Variants in DMD observed in about 807,000 individuals in gnomAD.
DMD encodes the protein mutant dystrophin.
In DMD, 63 loss-of-function variants were observed where a neutral mutation model predicts 330.1. That is an observed-to-expected ratio of 0.19 (90% CI 0.16 to 0.24). DMD has a LOEUF of 0.24. DMD is among the 10% of genes least tolerant of loss of function. DMD has a pLI of 1.00. For synonymous variants in DMD, 1,223 were observed against 959.8 expected, an observed-to-expected ratio of 1.27 and a Z score of -5.07; for missense variants, 3,344 against 2,684.1, an observed-to-expected ratio of 1.25 and a Z score of -5.43.
At chrX:31,945,790 A>G (rs2095078265) in intron 45 of DMD, among the ~76,000 whole-genome samples, 3 of 112,042 alleles carry the variant, frequency 2.7e-5, no homozygotes, top group African/African-American at 9.7e-5. Context: ...ATCAAATTTT[A>G]CTTTCCATGA....
At chrX:33,099,914 A>C (rs1246108093) in intron 1 of DMD, among the ~76,000 whole-genome samples, 1 of 112,168 alleles carries the variant, frequency 8.9e-6, no homozygotes, top group East Asian at 2.8e-4. Flanking sequence ...GAACAAAAAA[A>C]ACCCAAACAG....
intron 9 of DMD, among the ~76,000 whole-genome samples, chrX:32,680,762 T>G (rs1214755962): frequency 3.6e-5 from 4 of 110,099 alleles, no homozygotes; most frequent in African/African-American, 6.7e-5. Context: ...CCATCAACTC[T>G]CCTTCCACCC....
chrX:33,202,335 C>T (rs1393536475), intron 1 of DMD, among the ~76,000 whole-genome samples: 1 of 111,585 alleles, frequency 9.0e-6, no homozygotes, highest in Non-Finnish European at 1.9e-5. Context: ...CTACCACGTA[C>T]CAGCTGAGCT....
chrX:32,836,024 G>A (rs954417543), intron 4 of DMD, among the ~76,000 whole-genome samples: 3 of 107,128 alleles, frequency 2.8e-5, no homozygotes, highest in Non-Finnish European at 5.7e-5. Flanking sequence ...CTTATCACTG[G>A]TATTCAAAAA....
chrX:31,975,556 A>G (rs1458371), intron 44 of DMD, among the ~76,000 whole-genome samples: 48,181 of 110,380 alleles, frequency 0.44, 7,772 homozygotes, highest in African/African-American at 0.55. Flanking sequence ...TTTTCTTATT[A>G]AGTGATCCTG....
rs188625338 is a variant in DMD at position 32,903,750 on chromosome X, T to C, written c.94-53930A>G. On this transcript the variant is annotated intron_variant, in intron 2 of 78. Coordinates refer to ENST00000357033, the MANE Select transcript of DMD (RefSeq NM_004006.3). ...CTAAACTGCACTGGATTTCTTATGA[T>C]ATTATCATTATAATATAGGAAAGAA... Among the ~76,000 whole-genome samples, 573 of 111,958 alleles carry C rather than the reference T, an allele frequency of 5.1e-3. 4 individuals carry two copies. Among genetic ancestry groups the C allele is most frequent in the Non-Finnish European group, 6.4e-3 (340 of 53,211 alleles).
At chrX:32,412,816 C>G (rs887356992) in intron 29 of DMD, among the ~76,000 whole-genome samples, 1 of 110,992 alleles carries the variant, frequency 9.0e-6, no homozygotes, top group African/African-American at 3.3e-5. Context: ...CAGAGCATGA[C>G]TGAGGTTTTA....
intron 44 of DMD, among the ~76,000 whole-genome samples, chrX:32,010,162 G>A (rs1320726032): frequency 8.9e-6 from 1 of 111,824 alleles, no homozygotes; most frequent in African/African-American, 3.2e-5. Context: ...AAATTAACAC[G>A]TGAATGAATG....
At chrX:32,035,586 A>G in intron 44 of DMD, 1 of 305,574 alleles carries the variant, frequency 3.3e-6, no homozygotes, top group Admixed American at 3.7e-5. Flanking sequence ...CAGGCTTCTA[A>G]AAAACAGAAA....
chrX:31,495,740 T>C (rs946241370), intron 57 of DMD, among the ~76,000 whole-genome samples: 4 of 111,612 alleles, frequency 3.6e-5, no homozygotes, highest in African/African-American at 1.3e-4. Context: ...ATGGTAGAGA[T>C]AGGCAATTAT....
chrX:32,454,595 T>G, intron 26 of DMD, 67 bp downstream of exon 26: 2 of 924,269 alleles, frequency 2.2e-6, no homozygotes, highest in Non-Finnish European at 3.0e-6. Context: ...CTTCAAGCAT[T>G]GTTGCATTTC....
At chrX:31,596,372 T>A (rs1235088648) in intron 55 of DMD, among the ~76,000 whole-genome samples, 2 of 112,090 alleles carry the variant, frequency 1.8e-5, no homozygotes, top group African/African-American at 6.5e-5. Context: ...TAAGGAAAGT[T>A]CATGTTATTG....
rs5927048 is a variant in DMD, at chrX:31,858,625, C to T, written c.7098+16563G>A. 7.0e-3 allele frequency among the ~76,000 whole-genome samples: 767 copies of T among 109,316 alleles called. 5 individuals are homozygous for T. The highest frequency in any genetic ancestry group is 0.01 in the Non-Finnish European group (543 of 52,532). 94.9% of individuals were successfully genotyped at this position (109,316 alleles called of 115,157 possible). A position where few individuals can be genotyped will look rare whatever the true frequency, so the allele number is the denominator to read the frequency against. ...TAAAATAGATAATTCTTAAAGTGTTCTTTTTAGTGTTCAATAATTTATATA... is the reference window on the plus strand; with the variant it reads ...TAAAATAGATAATTCTTAAAGTGTTTTTTTTAGTGTTCAATAATTTATATA... On this transcript the variant is annotated intron_variant, in intron 48 of 78. Transcript: ENST00000357033.
At chrX:32,726,069 T>C (rs2066847332) in intron 7 of DMD, among the ~76,000 whole-genome samples, 1 of 111,356 alleles carries the variant, frequency 9.0e-6, no homozygotes, top group African/African-American at 3.3e-5. Context: ...AACATTCTCA[T>C]ATACTTTTAT....
intron 7 of DMD, among the ~76,000 whole-genome samples, chrX:32,791,259 G>A (rs939900232): frequency 8.9e-6 from 1 of 111,812 alleles, no homozygotes; most frequent in Non-Finnish European, 1.9e-5. Flanking sequence ...CATGCTTGCT[G>A]CCCCTGGGCT....
chrX:31,575,278 C>T (rs1215641304), intron 55 of DMD, among the ~76,000 whole-genome samples: 1 of 111,414 alleles, frequency 9.0e-6, no homozygotes, highest in African/African-American at 3.3e-5. Context: ...ATTGGTGCTA[C>T]AGAAATAATA....
In DMD at chrX:32,067,073, T is replaced by C. The variant is rs998839576; in HGVS notation, c.6439-98559A>G. On this transcript the variant is annotated intron_variant, in intron 44 of 78. Coordinates refer to ENST00000357033, the MANE Select transcript of DMD (RefSeq NM_004006.3). ...TACAATTTCAGTATTAACATGCTCT[T>C]CTCACTTAAAACATTAGAAAAATAG... Among the ~76,000 whole-genome samples, 3 of 111,797 alleles carry C rather than the reference T, an allele frequency of 2.7e-5. No individual in the cohort carries two copies. In the Admixed American group the frequency reaches 2.9e-4, roughly 11 times the overall value.
chrX:32,605,109 A>C (rs1310026376), intron 12 of DMD, among the ~76,000 whole-genome samples: 1 of 111,302 alleles, frequency 9.0e-6, no homozygotes, highest in Non-Finnish European at 1.9e-5. Flanking sequence ...CTAAGCAAGA[A>C]GAATAAAGTT....
intron 43 of DMD, among the ~76,000 whole-genome samples, chrX:32,243,968 A>G (rs868407966): frequency 7.6e-5 from 5 of 65,474 alleles, no homozygotes; most frequent in African/African-American, 2.5e-4. Context: ...TTTTTTTTTT[A>G]TTATACTTTA....
Sources: allele counts gnomAD v4.1 joint callset (sites outside exome capture counted in the v4.1 genomes callset), GRCh38; gene constraint gnomAD v4.1.1; transcripts MANE v1.5; gene names NCBI Gene and HGNC (gene_info 2026-07-23, HGNC 2026-07-21).